The following SCAMP1 variants were observed in gnomAD, a reference collection of about 807,000 sequenced individuals.
SCAMP1 encodes the protein secretory carrier membrane protein 1, also known as secretory carrier-associated membrane protein 1.
In SCAMP1, 15 loss-of-function variants were observed where a neutral mutation model predicts 41.8. That is an observed-to-expected ratio of 0.36 (90% CI 0.24 to 0.55). The LOEUF is 0.55. Among genes scored for constraint, SCAMP1 ranks in the 20% least tolerant of loss-of-function variants. The probability of loss-of-function intolerance (pLI) is 0.86; values close to 1 mark genes in which losing one functional copy is unlikely to be tolerated. For missense variants in SCAMP1, 341 were observed against 412.6 expected, an observed-to-expected ratio of 0.83 and a Z score of 1.50; for synonymous variants, 135 against 136.8, an observed-to-expected ratio of 0.99 and a Z score of 0.09.
intron 6 of SCAMP1, among the ~76,000 whole-genome samples, chr5:78,440,667 T>G (rs1263952091): frequency 2.6e-5 from 4 of 152,186 alleles, no homozygotes; most frequent in Admixed American, 1.3e-4. Context: ...GGGACCCACT[T>G]GAGGAGGCAG....
chr5:78,447,810 T>G (rs1753088940), intron 6 of SCAMP1, among the ~76,000 whole-genome samples: 1 of 136,042 alleles, frequency 7.4e-6, no homozygotes. Flanking sequence ...TTCTTCCTCC[T>G]CCCTCCTCCC....
intron 7 of SCAMP1, among the ~76,000 whole-genome samples, chr5:78,451,421 T>C (rs997690857): frequency 1.3e-5 from 2 of 152,210 alleles, no homozygotes; most frequent in Non-Finnish European, 2.9e-5. Context: ...CACATTTTCA[T>C]CACCAGAGGA....
intron 8 of SCAMP1, among the ~76,000 whole-genome samples, chr5:78,462,731 G>C (rs890828135): frequency 6.6e-6 from 1 of 151,804 alleles, no homozygotes; most frequent in African/African-American, 2.4e-5. Flanking sequence ...TCCCATGTCT[G>C]TTTTCACAGC....
chr5:78,392,524 A>G (rs1751546352), intron 2 of SCAMP1, among the ~76,000 whole-genome samples: 1 of 152,238 alleles, frequency 6.6e-6, no homozygotes, highest in African/African-American at 2.4e-5. Flanking sequence ...CAGAACAAAT[A>G]AAACAAAATA....
At chr5:78,451,674 T>C (rs1184832385) in intron 7 of SCAMP1, among the ~76,000 whole-genome samples, 1 of 152,180 alleles carries the variant, frequency 6.6e-6, no homozygotes, top group Non-Finnish European at 1.5e-5. Context: ...GATTGATTGA[T>C]TGAGACAGAG....
chr5:78,412,330 A>T (rs1262536914), intron 2 of SCAMP1, among the ~76,000 whole-genome samples: 1 of 151,406 alleles, frequency 6.6e-6, no homozygotes, highest in African/African-American at 2.4e-5. Context: ...ATAATGCCCT[A>T]TAGTCTATAG....
chr5:78,377,817 T>C (rs10054586), intron 1 of SCAMP1, among the ~76,000 whole-genome samples: 68,394 of 152,008 alleles, frequency 0.45, 16,199 homozygotes, highest in Non-Finnish European at 0.51. Flanking sequence ...GAAACTATAT[T>C]AAGCACTTTA....
At chr5:78,361,013 G>T (rs985783567) in intron 1 of SCAMP1, 1 of 414,000 alleles carries the variant, frequency 2.4e-6, no homozygotes, top group Middle Eastern at 6.5e-4. Context: ...CCGCGCGCCC[G>T]GAGGGGTCCT....
At chr5:78,443,987 T>G (rs77875246) in intron 6 of SCAMP1, among the ~76,000 whole-genome samples, 4,328 of 152,246 alleles carry the variant, frequency 0.028, 222 homozygotes, top group African/African-American at 0.097. Context: ...GACTCTATTA[T>G]AAATTTAGAA....
chr5:78,458,313 C>T (rs2112228543), intron 7 of SCAMP1, among the ~76,000 whole-genome samples: 1 of 152,328 alleles, frequency 6.6e-6, no homozygotes, highest in South Asian at 2.1e-4. Context: ...TCCACTTCCT[C>T]ACCAGCATTT....
intron 2 of SCAMP1, among the ~76,000 whole-genome samples, chr5:78,411,642 C>G (rs1287506915): frequency 6.6e-6 from 1 of 151,990 alleles, no homozygotes; most frequent in Non-Finnish European, 1.5e-5. Context: ...TGTATACTTT[C>G]CTATAGCTGT....
chr5:78,403,636 T>TACAAAACAAA (rs567714764), intron 2 of SCAMP1, among the ~76,000 whole-genome samples: 1 of 151,984 alleles, frequency 6.6e-6, no homozygotes, highest in East Asian at 1.9e-4. Context: ...ATCCTGTCTC[T>TACAAAACAAA]ACAAAACAAA....
At position 78,415,638 on chromosome 5, in the gene SCAMP1, A is replaced by G. The variant is rs1449794940; in HGVS notation, c.234+20A>G. 3 of 1,388,336 alleles carry G rather than the reference A, an allele frequency of 2.2e-6. No homozygotes were observed. The highest frequency in any genetic ancestry group is 1.8e-4 in the Middle Eastern group (1 of 5,636). 86.0% of individuals were successfully genotyped at this position (1,388,336 alleles called of 1,614,324 possible). On this transcript the variant is annotated intron_variant, in intron 3 of 8. Coordinates refer to ENST00000621999, the MANE Select transcript of SCAMP1 (RefSeq NM_004866.6). ...GCAAAGGTTAGTTCATGTTAGTTGT[A>G]TAAATTCATATTGGCCATTATAATA...
At chr5:78,414,491 C>A (rs1752160685) in intron 2 of SCAMP1, among the ~76,000 whole-genome samples, 1 of 152,092 alleles carries the variant, frequency 6.6e-6, no homozygotes, top group Non-Finnish European at 1.5e-5. Flanking sequence ...CCATATTGGC[C>A]AGGCTGGTCT....
intron 1 of SCAMP1, among the ~76,000 whole-genome samples, chr5:78,368,795 A>G (rs1750862925): frequency 6.6e-6 from 1 of 152,156 alleles, no homozygotes; most frequent in Non-Finnish European, 1.5e-5. Flanking sequence ...CCCATCAGAT[A>G]CTTAAAGTGT....
At chr5:78,445,992 C>T (rs1297545487) in intron 6 of SCAMP1, among the ~76,000 whole-genome samples, 1 of 152,112 alleles carries the variant, frequency 6.6e-6, no homozygotes, top group African/African-American at 2.4e-5. Context: ...ATTTTATTGT[C>T]TCCTTATTCA....
rs113086548 is a variant in SCAMP1, at chr5:78,377,580, A to G, written c.58-11257A>G. ...AGCCAAGTTAATAGGGTCACGTGAC[A>G]CAAAGATTGGGCAAAGAACTGCTTC... On this transcript the variant is annotated intron_variant, in intron 1 of 8. Transcript: ENST00000621999. 5.3e-5 allele frequency among the ~76,000 whole-genome samples: 8 copies of G among 152,322 alleles called. No homozygotes were observed. The East Asian group carries it at 1.5e-3, about 29-fold the overall frequency.
intron 8 of SCAMP1, among the ~76,000 whole-genome samples, chr5:78,460,265 A>G (rs976432137): frequency 6.6e-6 from 1 of 152,168 alleles, no homozygotes; most frequent in Non-Finnish European, 1.5e-5. Context: ...TTGGTTAGAT[A>G]CCCAGTATAG....
intron 1 of SCAMP1, among the ~76,000 whole-genome samples, chr5:78,379,262 A>T (rs1751139868): frequency 6.6e-6 from 1 of 152,250 alleles, no homozygotes; most frequent in South Asian, 2.1e-4. Flanking sequence ...TGGAAATAAA[A>T]GTAAATGTAA....
Sources: allele counts gnomAD v4.1 joint callset (sites outside exome capture counted in the v4.1 genomes callset), GRCh38; gene constraint gnomAD v4.1.1; transcripts MANE v1.5; gene names NCBI Gene and HGNC (gene_info 2026-07-23, HGNC 2026-07-21).